Variants in INSYN2B observed in about 807,000 individuals in gnomAD.
The protein encoded by INSYN2B is inhibitory synaptic factor family member 2B.
Under a neutral mutation model 41.2 loss-of-function variants are expected in INSYN2B, and 16 were observed. The observed-to-expected ratio is 0.39, with a 90% confidence interval of 0.26 to 0.59. The LOEUF (loss-of-function observed/expected upper bound fraction) is 0.59. INSYN2B is among the 20% of genes least tolerant of loss of function. The probability of loss-of-function intolerance (pLI) is 0.57; values close to 1 mark genes in which losing one functional copy is unlikely to be tolerated. For missense variants in INSYN2B, 608 were observed against 646.4 expected, an observed-to-expected ratio of 0.94 and a Z score of 0.64; for synonymous variants, 245 against 244.4, an observed-to-expected ratio of 1.00 and a Z score of -0.02.
chr5:169,940,569 C>T (rs529452583), intron 1 of INSYN2B, among the ~76,000 whole-genome samples: 1 of 152,334 alleles, frequency 6.6e-6, no homozygotes, highest in Non-Finnish European at 1.5e-5. Flanking sequence ...TTTTCTGCAA[C>T]TAGACAGTCC....
intron 1 of INSYN2B, among the ~76,000 whole-genome samples, chr5:169,977,331 G>A (rs1410719392): frequency 6.6e-6 from 1 of 152,144 alleles, no homozygotes; most frequent in East Asian, 1.9e-4. Flanking sequence ...TCACGGGTAG[G>A]CGGAGTCATC....
intron 1 of INSYN2B, among the ~76,000 whole-genome samples, chr5:169,898,288 G>T (rs1773725266): frequency 6.6e-6 from 1 of 152,160 alleles, no homozygotes. Context: ...CTTGGGAAGG[G>T]CCATATATTG....
At chr5:169,979,701 A>G (rs1480174588) in intron 1 of INSYN2B, among the ~76,000 whole-genome samples, 7 of 152,190 alleles carry the variant, frequency 4.6e-5, no homozygotes, top group Admixed American at 2.6e-4. Context: ...ACTTGTCCAA[A>G]CTTCAGTCAC....
At chr5:169,948,613 A>ATTTTTTTTTTTTTT (rs772095719) in intron 1 of INSYN2B, among the ~76,000 whole-genome samples, 1 of 135,946 alleles carries the variant, frequency 7.4e-6, no homozygotes, top group African/African-American at 2.7e-5. Context: ...TCCACAATTA[A>ATTTTTTTTTTTTTT]TTTTTTTTTT....
rs562167660 is a variant in INSYN2B at position 169,966,261 on chromosome 5, G to A, written c.-919+14016C>T. 3.3e-4 allele frequency among the ~76,000 whole-genome samples: 50 copies of A among 152,094 alleles called. No homozygotes were observed. The South Asian group carries it at 6.2e-3, about 19-fold the overall frequency. On this transcript the variant is annotated intron_variant, in intron 1 of 3. Transcript: ENST00000377365. ...GTTGCTTCATAACAAAGATAAAATG[G>A]GCTGCAAATGTGTACAGTAAGATTA...
chr5:169,908,009 C>G (rs895350782), intron 1 of INSYN2B, among the ~76,000 whole-genome samples: 2 of 152,230 alleles, frequency 1.3e-5, no homozygotes, highest in Non-Finnish European at 2.9e-5. Flanking sequence ...TTTATCTCCT[C>G]TCTTGCTCTG....
At chr5:169,894,717 C>T (rs1490963657) in intron 1 of INSYN2B, among the ~76,000 whole-genome samples, 1 of 152,210 alleles carries the variant, frequency 6.6e-6, no homozygotes, top group Admixed American at 6.5e-5. Context: ...GTGCAACACA[C>T]AGTAGGTGCT....
chr5:169,947,974 G>A (rs1451418352), intron 1 of INSYN2B, among the ~76,000 whole-genome samples: 1 of 152,200 alleles, frequency 6.6e-6, no homozygotes, highest in Non-Finnish European at 1.5e-5. Flanking sequence ...GCAATTGCCA[G>A]AAGCAGGGTC....
chr5:169,874,167 C>G (rs1231384395), intron 3 of INSYN2B, among the ~76,000 whole-genome samples: 1 of 152,084 alleles, frequency 6.6e-6, no homozygotes, highest in Admixed American at 6.5e-5. Context: ...AATCCCAACA[C>G]TTTGGGAGGC....
intron 1 of INSYN2B, among the ~76,000 whole-genome samples, chr5:169,917,833 G>A (rs150500178): frequency 3.3e-4 from 50 of 152,316 alleles, no homozygotes; most frequent in African/African-American, 1.2e-3. Context: ...TTAAGGAGGA[G>A]TTATTGTGCT....
At chr5:169,916,119 G>T (rs1234290562) in intron 1 of INSYN2B, among the ~76,000 whole-genome samples, 1 of 152,206 alleles carries the variant, frequency 6.6e-6, no homozygotes, top group Non-Finnish European at 1.5e-5. Context: ...CTAGATTTGA[G>T]GTCTTCCTGA....
At chr5:169,923,675 G>A (rs1408489790) in intron 1 of INSYN2B, among the ~76,000 whole-genome samples, 13 of 152,328 alleles carry the variant, frequency 8.5e-5, no homozygotes, top group Non-Finnish European at 5.9e-5. Flanking sequence ...AGGTTAATAG[G>A]ACTAAGTAAG....
intron 1 of INSYN2B, among the ~76,000 whole-genome samples, chr5:169,919,958 T>C (rs182759260): frequency 2.0e-5 from 3 of 152,370 alleles, no homozygotes; most frequent in African/African-American, 7.2e-5. Context: ...TAACTACACT[T>C]TGTGTTAATG....
chr5:169,966,816 C>G (rs930011857), intron 1 of INSYN2B, among the ~76,000 whole-genome samples: 1 of 152,202 alleles, frequency 6.6e-6, no homozygotes, highest in Admixed American at 6.5e-5. Flanking sequence ...AGGCTCCAGC[C>G]ATCATGCAAT....
intron 1 of INSYN2B, among the ~76,000 whole-genome samples, chr5:169,963,475 T>C (rs1183859743): frequency 6.6e-6 from 1 of 152,116 alleles, no homozygotes; most frequent in African/African-American, 2.4e-5. Flanking sequence ...CCTAGGCCCA[T>C]TGTGGTCACT....
chr5:169,883,497 G>A lies in INSYN2B; in HGVS notation c.402C>T (p.Val134=). Residue 134 remains valine, a synonymous_variant, in exon 2 of 4, where the codon GTC becomes GTT. Transcript: ENST00000377365. ...MPTASQSAIQ[V]NGNLSEQDIV... ...TGTCCTGTTCAGAGAGGTTACCGTT[G>A]ACCTGGATGGCACTTTGGGAGGCTG... The A allele has an allele frequency of 3.2e-6, 5 of 1,551,660 alleles. No homozygotes were observed. Among genetic ancestry groups the A allele is most frequent in the Non-Finnish European group, 4.4e-6 (5 of 1,146,952 alleles).
intron 1 of INSYN2B, among the ~76,000 whole-genome samples, chr5:169,900,685 G>T (rs543171055): frequency 6.6e-6 from 1 of 152,220 alleles, no homozygotes; most frequent in African/African-American, 2.4e-5. Flanking sequence ...TGAACAAAAT[G>T]ATAAAATAAG....
intron 1 of INSYN2B, among the ~76,000 whole-genome samples, chr5:169,912,621 A>ATGTGTGTG (rs59287791): frequency 1.3e-5 from 2 of 150,422 alleles, no homozygotes; most frequent in African/African-American, 2.4e-5. Flanking sequence ...GGTGGAGTGT[A>ATGTGTGTG]TGTGTGTGTG....
At chr5:169,892,344 C>A (rs1023141739) in intron 1 of INSYN2B, among the ~76,000 whole-genome samples, 3 of 152,220 alleles carry the variant, frequency 2.0e-5, no homozygotes, top group South Asian at 4.1e-4. Flanking sequence ...ATCCCCTACA[C>A]CCGCACAGCT....
Sources: gnomAD v4.1 joint callset for allele counts (sites outside exome capture counted in the v4.1 genomes callset) on GRCh38, gnomAD v4.1.1 for gene constraint, MANE v1.5 for transcripts, NCBI Gene and HGNC (gene_info 2026-07-23, HGNC 2026-07-21) for gene names.